PARVB: variants seen among roughly 807,000 people sequenced by gnomAD.
PARVB encodes parvin beta.
In PARVB, 46 loss-of-function variants were observed where a neutral mutation model predicts 47.0. The observed-to-expected ratio is 0.98, with a 90% CI of 0.77 to 1.25. The LOEUF (loss-of-function observed/expected upper bound fraction) is 1.25. PARVB is among the 50% of genes most tolerant of loss of function. The pLI is 0.00. For missense variants in PARVB, 473 were observed against 471.6 expected (o/e 1.00, Z -0.03); for synonymous variants, 196 against 196.3 (o/e 1.00, Z 0.01).
chr22:44,159,242 T>C (rs753623585), intron 11 of PARVB, among the ~76,000 whole-genome samples: 12 of 152,278 alleles, frequency 7.9e-5, no homozygotes, highest in Middle Eastern at 3.4e-3. Flanking sequence ...TGCAGACACA[T>C]TGTTTTGGAG....
chr22:44,081,638 G>A (rs1032915482), intron 1 of PARVB: 1 of 982,684 alleles, frequency 1.0e-6, no homozygotes, highest in African/African-American at 1.8e-5. Context: ...GTTTCTCTAA[G>A]AGCCTGGCAG....
chr22:44,104,983 G>A (rs2052535285), intron 3 of PARVB: 2 of 152,356 alleles, frequency 1.3e-5, no homozygotes, highest in Non-Finnish European at 2.9e-5. Flanking sequence ...GCCCAGGGCA[G>A]AGTTGAACGC....
At chr22:44,061,431 AAAAACAAAAC>A (rs137915447) in intron 1 of PARVB, among the ~76,000 whole-genome samples, 11 of 150,060 alleles carry the variant, frequency 7.3e-5, no homozygotes, top group South Asian at 2.1e-4. Context: ...ACTTCATCTC[AAAAACAAAAC>A]AAAACAAAAC....
intron 10 of PARVB, among the ~76,000 whole-genome samples, chr22:44,154,279 C>T (rs750115363): frequency 6.6e-6 from 1 of 152,174 alleles, no homozygotes; most frequent in East Asian, 1.9e-4. Flanking sequence ...CAGAAAAGGT[C>T]GCTGGTTACA....
At chr22:44,037,280 A>G (rs1384991825) in intron 1 of PARVB, among the ~76,000 whole-genome samples, 1 of 152,038 alleles carries the variant, frequency 6.6e-6, no homozygotes, top group Non-Finnish European at 1.5e-5. Flanking sequence ...AAAATTAGCC[A>G]GGCATGGTGG....
chr22:44,030,620 C>T (rs2050808744), intron 1 of PARVB, among the ~76,000 whole-genome samples: 2 of 151,938 alleles, frequency 1.3e-5, no homozygotes, highest in Admixed American at 6.6e-5. Context: ...GAATGTGGCA[C>T]GGGGCACAGG....
chr22:44,139,710 C>G (rs550373235), intron 7 of PARVB: 13 of 184,060 alleles, frequency 7.1e-5, no homozygotes, highest in Non-Finnish European at 1.1e-4. Context: ...TTCTGCCCCT[C>G]AAAGTGCTGG....
chr22:44,026,389 C>T, intron 1 of PARVB: 1 of 983,520 alleles, frequency 1.0e-6, no homozygotes, highest in Non-Finnish European at 1.2e-6. Flanking sequence ...GAGCTGGGCG[C>T]CCTGCCTCGG....
rs2147200971 is a variant in PARVB at position 44,169,390 on chromosome 22, T to C, written c.*712T>C. 1 of 150,346 alleles carries C rather than the reference T, an allele frequency of 6.7e-6. No homozygotes were observed. The highest frequency in any genetic ancestry group is 1.9e-4 in the East Asian group (1 of 5,174). 9.3% of individuals were successfully genotyped at this position (150,346 alleles called of 1,614,324 possible). A position where few individuals can be genotyped will look rare whatever the true frequency, so the allele number is the denominator to read the frequency against. Reference sequence around the variant, plus strand: ...GGAGCTGTCTGCTGGGGACGTTTCTTAATTTCTTGCTGTGGTTGAGGGGCT... The same window carrying C: ...GGAGCTGTCTGCTGGGGACGTTTCTCAATTTCTTGCTGTGGTTGAGGGGCT... On this transcript the variant is annotated 3_prime_UTR_variant, in exon 13 of 13. Transcript: ENST00000338758.
intron 2 of PARVB, among the ~76,000 whole-genome samples, chr22:44,098,619 G>A (rs1015348586): frequency 6.6e-6 from 1 of 152,096 alleles, no homozygotes; most frequent in Non-Finnish European, 1.5e-5. Flanking sequence ...GGCTGCGGAG[G>A]CCTTTGCAGA....
At chr22:44,136,593 C>G in intron 7 of PARVB, 75 bp downstream of exon 7, 1 of 1,217,214 alleles carries the variant, frequency 8.2e-7, no homozygotes. Flanking sequence ...CCACTTCAGC[C>G]AGGGACACCA....
intron 1 of PARVB, among the ~76,000 whole-genome samples, chr22:44,088,706 A>C (rs2052090965): frequency 6.6e-6 from 1 of 152,142 alleles, no homozygotes; most frequent in South Asian, 2.1e-4. Flanking sequence ...TCCTGACCTC[A>C]GGTGATTTGC....
chr22:44,000,763 G>A (rs2050405515), intron 2 of PARVB, among the ~76,000 whole-genome samples: 1 of 152,196 alleles, frequency 6.6e-6, no homozygotes, highest in South Asian at 2.1e-4. Context: ...GTTGCAGTGT[G>A]GAATCTGAAA....
intron 11 of PARVB, among the ~76,000 whole-genome samples, chr22:44,162,063 A>G (rs192875032): frequency 4.6e-5 from 7 of 152,242 alleles, no homozygotes; most frequent in Non-Finnish European, 1.0e-4. Context: ...CACTGACCCT[A>G]TGACTAGCCA....
At chr22:44,159,017 C>T (rs936939036) in intron 11 of PARVB, among the ~76,000 whole-genome samples, 4 of 152,130 alleles carry the variant, frequency 2.6e-5, no homozygotes, top group African/African-American at 9.7e-5. Context: ...GAGATGGAAT[C>T]AGGACAGATT....
At position 44,140,599 on chromosome 22, in the gene PARVB, A is replaced by G. The variant is rs1411336914; in HGVS notation, c.712+456A>G. 58 of 520,090 alleles carry G rather than the reference A, an allele frequency of 1.1e-4. 1 individual carries two copies. The highest frequency in any genetic ancestry group is 7.3e-4 in the South Asian group (52 of 71,586). 32.2% of individuals were successfully genotyped at this position (520,090 alleles called of 1,614,324 possible). A position where few individuals can be genotyped will look rare whatever the true frequency, so the allele number is the denominator to read the frequency against. Reference sequence around the variant, plus strand: ...CCACTGGTTTAGCAGACTTCCTTAGAGTCAGGCAGCCAGGGCTCATTCCTG... The same window carrying G: ...CCACTGGTTTAGCAGACTTCCTTAGGGTCAGGCAGCCAGGGCTCATTCCTG... On this transcript the variant is annotated intron_variant, in intron 8 of 12. Transcript: ENST00000338758.
At chr22:44,018,373 G>T (rs745975483) in intron 2 of PARVB, among the ~76,000 whole-genome samples, 1 of 152,152 alleles carries the variant, frequency 6.6e-6, no homozygotes, top group African/African-American at 2.4e-5. Context: ...TTGCACTCCA[G>T]CCTGGGCGAC....
At chr22:44,140,014 C>T (rs535280426) in intron 7 of PARVB, 110 bp from the exon 8 acceptor site, 85 of 1,412,672 alleles carry the variant, frequency 6.0e-5, no homozygotes, top group South Asian at 3.4e-4. Context: ...ACCTGGGCAG[C>T]GAGGGCCCAG....
chr22:44,017,959 G>A (rs1281926432), intron 2 of PARVB, among the ~76,000 whole-genome samples: 1 of 152,142 alleles, frequency 6.6e-6, no homozygotes, highest in Non-Finnish European at 1.5e-5. Flanking sequence ...CATTGTGTGT[G>A]CTTCTCCAGA....
Sources: gnomAD v4.1 joint callset for allele counts (sites outside exome capture counted in the v4.1 genomes callset) on GRCh38, gnomAD v4.1.1 for gene constraint, MANE v1.5 for transcripts, NCBI Gene and HGNC (gene_info 2026-07-23, HGNC 2026-07-21) for gene names.